Variants in PTPRZ1 observed in about 807,000 individuals in gnomAD.
PTPRZ1 encodes the protein receptor-type tyrosine-protein phosphatase zeta.
A neutral mutation model predicts 214.1 loss-of-function variants in PTPRZ1; 82 were observed. That is an observed-to-expected ratio of 0.38 (90% CI 0.32 to 0.46). The LOEUF is 0.46. Ranked by LOEUF, PTPRZ1 falls within the 20% of genes least tolerant of loss-of-function variation. The pLI is 1.00. For missense variants in PTPRZ1, 2,603 were observed against 2,748.7 expected (o/e 0.95, Z 1.19); for synonymous variants, 945 against 987.9 (o/e 0.96, Z 0.81).
At chr7:121,974,954 G>A (rs113308592) in intron 4 of PTPRZ1, among the ~76,000 whole-genome samples, 1 of 152,300 alleles carries the variant, frequency 6.6e-6, no homozygotes, top group African/African-American at 2.4e-5. Context: ...AGGAGGCTGA[G>A]GCTGGAGGAT....
intron 22 of PTPRZ1, among the ~76,000 whole-genome samples, chr7:122,043,896 A>G (rs1009028647): frequency 2.1e-4 from 32 of 152,190 alleles, no homozygotes; most frequent in African/African-American, 4.8e-5. Context: ...AAACCTGCAC[A>G]TGTACCCCTG....
At chr7:121,996,305 T>G in intron 8 of PTPRZ1, 77 bp from the exon 9 acceptor site, 1 of 1,052,416 alleles carries the variant, frequency 9.5e-7, no homozygotes, top group Non-Finnish European at 1.3e-6. Context: ...ACAATAAAAT[T>G]TTTATAGAAT....
In PTPRZ1 at chr7:122,059,807, A is replaced by G. The variant is rs1220717290; in HGVS notation, c.6726A>G (p.Gln2242=). 2 of 1,613,724 alleles carry G rather than the reference A, an allele frequency of 1.2e-6. No individual in the cohort carries two copies. The highest frequency in any genetic ancestry group is 1.7e-6 in the Non-Finnish European group (2 of 1,179,788). ...TFCALTTLMH[Q]LEKENSVDVY... The stretch of plus-strand genomic sequence containing the variant: ...GTGCTCTGACAACCCTTATGCACCA[A>G]CTAGAAAAAGAAAATTCCGTGGATG... Residue 2242 remains glutamine (Q), a synonymous_variant, in exon 29 of 30, where the codon CAA becomes CAG. Coordinates refer to ENST00000393386, the MANE Select transcript of PTPRZ1 (RefSeq NM_002851.3).
At position 121,968,148 on chromosome 7, in the gene PTPRZ1, T is replaced by G. The variant is rs1797100568; in HGVS notation, c.304+18T>G. 6.4e-7 allele frequency: 1 copy of G among 1,574,704 alleles called. No individual in the cohort carries two copies. The highest frequency in any genetic ancestry group is 1.4e-5 in the African/African-American group (1 of 73,082). ...GAAAACAGGTAAAATATTTGCATTCTGTTTGCCTTTAATATATTTTTCAGA... is the reference window on the plus strand; with the variant it reads ...GAAAACAGGTAAAATATTTGCATTCGGTTTGCCTTTAATATATTTTTCAGA... On this transcript the variant is annotated intron_variant, in intron 3 of 29. Transcript: ENST00000393386.
chr7:121,936,757 C>T (rs531482500), intron 2 of PTPRZ1, among the ~76,000 whole-genome samples: 1 of 152,322 alleles, frequency 6.6e-6, no homozygotes, highest in Admixed American at 6.5e-5. Context: ...CATTTGTCTT[C>T]TAGGGAATAC....
At position 121,951,596 on chromosome 7, in the gene PTPRZ1, A is replaced by G. The variant is rs150452483; in HGVS notation, c.125-16355A>G. Reference sequence around the variant, plus strand: ...GACCCTTCCTCAGTATTAATGAGTTAAAAATGTCTCAAACAGGTGTCAGCT... The same window carrying G: ...GACCCTTCCTCAGTATTAATGAGTTGAAAATGTCTCAAACAGGTGTCAGCT... On this transcript the variant is annotated intron_variant, in intron 2 of 29. Coordinates refer to ENST00000393386, the MANE Select transcript of PTPRZ1 (RefSeq NM_002851.3). Among the ~76,000 whole-genome samples the G allele has an allele frequency of 4.4e-4, 67 of 152,334 alleles. No homozygotes were observed. In the East Asian group the frequency reaches 0.012, roughly 28 times the overall value.
intron 2 of PTPRZ1, among the ~76,000 whole-genome samples, chr7:121,938,236 C>T (rs1796143139): frequency 6.6e-6 from 1 of 152,156 alleles, no homozygotes; most frequent in Non-Finnish European, 1.5e-5. Flanking sequence ...GAATGTAATA[C>T]ACATCATAGG....
intron 25 of PTPRZ1, 21 bp from the exon 26 acceptor site, chr7:122,053,889 G>T (rs1005794415): frequency 6.2e-7 from 1 of 1,610,462 alleles, no homozygotes; most frequent in Non-Finnish European, 8.5e-7. Flanking sequence ...TGCTGTTTTT[G>T]TCTTCTCTTT....
intron 1 of PTPRZ1, among the ~76,000 whole-genome samples, chr7:121,881,198 A>G (rs772764763): frequency 3.9e-5 from 6 of 152,238 alleles, no homozygotes; most frequent in Non-Finnish European, 7.3e-5. Flanking sequence ...GTAAAGACAC[A>G]GCAAGAAGGC....
intron 12 of PTPRZ1, among the ~76,000 whole-genome samples, chr7:122,017,742 T>A (rs1328136173): frequency 1.3e-5 from 2 of 151,470 alleles, no homozygotes; most frequent in East Asian, 1.9e-4. Context: ...TTGTATTTTT[T>A]ATTTTTTTTA....
rs559582310 is a variant in PTPRZ1 at position 121,962,757 on chromosome 7, G to A, written c.125-5194G>A. Among the ~76,000 whole-genome samples the A allele has an allele frequency of 4.0e-5, 6 of 151,564 alleles. No homozygotes were observed. The South Asian group carries it at 1.3e-3, about 32-fold the overall frequency. ...TTTTTGTATTTTTTAGTAGAGATGG[G>A]GTTTCACCATATTGGCCAGGCTGGT... On this transcript the variant is annotated intron_variant, in intron 2 of 29. Transcript: ENST00000393386.
chr7:122,058,473 T>C (rs17144057), intron 27 of PTPRZ1, among the ~76,000 whole-genome samples: 9 of 152,072 alleles, frequency 5.9e-5, no homozygotes, highest in Non-Finnish European at 1.2e-4. Context: ...TTTCCTTTTA[T>C]AAATTTGAAT....
At chr7:121,948,820 G>T (rs1209142351) in intron 2 of PTPRZ1, among the ~76,000 whole-genome samples, 3 of 151,714 alleles carry the variant, frequency 2.0e-5, no homozygotes, top group East Asian at 1.9e-4. Flanking sequence ...CTTACTCAAG[G>T]TTATTTGTTG....
intron 13 of PTPRZ1, among the ~76,000 whole-genome samples, chr7:122,026,435 T>C (rs1215513180): frequency 6.6e-6 from 1 of 152,230 alleles, no homozygotes; most frequent in Admixed American, 6.5e-5. Flanking sequence ...AGTGTTTCCA[T>C]ATCAATATGT....
chr7:121,975,603 C>T (rs1023256718), intron 4 of PTPRZ1, among the ~76,000 whole-genome samples: 3 of 152,148 alleles, frequency 2.0e-5, no homozygotes, highest in Admixed American at 2.0e-4. Context: ...GCCTGAGACA[C>T]CTGATTTCCA....
chr7:122,058,893 A>G lies in PTPRZ1; in HGVS notation c.6622A>G (p.Ile2208Val). 1 of 1,593,040 alleles carries G rather than the reference A, an allele frequency of 6.3e-7. No individual in the cohort carries two copies. The highest frequency in any genetic ancestry group is 1.1e-5 in the South Asian group (1 of 90,592). ...ISKTFELISV[I>V]KEEAANRDGP... ...TAAAACTTTTGAACTTATAAGTGTTATAAAAGAAGAAGCTGCCAATAGGGA... is the reference window on the plus strand; with the variant it reads ...TAAAACTTTTGAACTTATAAGTGTTGTAAAAGAAGAAGCTGCCAATAGGGA... The change falls in exon 28 of 30, where the codon ATA (isoleucine) becomes GTA (valine). Residue 2208 changes from isoleucine (I) to valine (V), a missense_variant. This residue lies in a region of PTPRZ1 where 165 missense variants were observed against 151.4 expected (regional missense o/e 1.09). Coordinates refer to ENST00000393386, the MANE Select transcript of PTPRZ1 (RefSeq NM_002851.3).
chr7:121,898,986 A>T (rs1272524661), intron 1 of PTPRZ1, among the ~76,000 whole-genome samples: 1 of 152,200 alleles, frequency 6.6e-6, no homozygotes, highest in African/African-American at 2.4e-5. Context: ...ATTTATTCAT[A>T]TATAAAGCCT....
intron 6 of PTPRZ1, among the ~76,000 whole-genome samples, chr7:121,977,483 T>C (rs931836527): frequency 1.3e-5 from 2 of 152,178 alleles, no homozygotes; most frequent in African/African-American, 4.8e-5. Flanking sequence ...TATTAAGCAC[T>C]CACACACAGG....
At chr7:121,984,608 G>A (rs1185014000) in intron 8 of PTPRZ1, among the ~76,000 whole-genome samples, 1 of 152,038 alleles carries the variant, frequency 6.6e-6, no homozygotes, top group Non-Finnish European at 1.5e-5. Context: ...TCTTTGTGTT[G>A]GCAGCCCCCA....
Sources: allele counts gnomAD v4.1 joint callset (sites outside exome capture counted in the v4.1 genomes callset), GRCh38; gene constraint gnomAD v4.1.1; regional missense constraint gnomAD v4.1.1; transcripts MANE v1.5; gene names NCBI Gene and HGNC (gene_info 2026-07-23, HGNC 2026-07-21).